TRPM3: variants seen among roughly 807,000 people sequenced by gnomAD.
The protein encoded by TRPM3 is long transient receptor potential channel 3.
Under a neutral mutation model 181.2 loss-of-function variants are expected in TRPM3, and 77 were observed. That is an observed-to-expected ratio of 0.42 (90% CI 0.35 to 0.51). The LOEUF (loss-of-function observed/expected upper bound fraction) is 0.51, where lower values mean the gene tolerates loss of function less well. TRPM3 is among the 20% of genes least tolerant of loss of function. The pLI, the probability that TRPM3 is intolerant of heterozygous loss-of-function variation, is 0.01. For synonymous variants in TRPM3, 745 were observed against 796.4 expected (o/e 0.94, Z 1.09); for missense variants, 1,759 against 2,196.7 (o/e 0.80, Z 3.98).
chr9:71,037,230 G>A (rs566787713), intron 1 of TRPM3, among the ~76,000 whole-genome samples: 1 of 152,148 alleles, frequency 6.6e-6, no homozygotes. Context: ...TAGCAGCGAG[G>A]AAAGTTTCAA....
At chr9:70,572,114 T>TGTG (rs2052579313) in intron 22 of TRPM3, among the ~76,000 whole-genome samples, 7 of 149,966 alleles carry the variant, frequency 4.7e-5, no homozygotes, top group Middle Eastern at 3.4e-3. Flanking sequence ...TCCCAGTTAC[T>TGTG]TGTGTGTGTG....
chr9:71,016,466 C>T (rs1166474130), intron 1 of TRPM3, among the ~76,000 whole-genome samples: 1 of 152,102 alleles, frequency 6.6e-6, no homozygotes, highest in East Asian at 1.9e-4. Context: ...CACCATCTTA[C>T]TTTCTGTCAA....
chr9:71,007,121 C>A (rs2097688196), intron 1 of TRPM3, among the ~76,000 whole-genome samples: 1 of 143,454 alleles, frequency 7.0e-6, no homozygotes, highest in African/African-American at 2.5e-5. Context: ...AAGAAAGGGC[C>A]ATTATATAAT....
At chr9:70,550,327 T>G (rs2046171327) in intron 24 of TRPM3, among the ~76,000 whole-genome samples, 1 of 152,158 alleles carries the variant, frequency 6.6e-6, no homozygotes, top group African/African-American at 2.4e-5. Flanking sequence ...ATGTGATGAC[T>G]GGAGGTGAGG....
chr9:71,223,650 A>C (rs1281018619), intron 1 of TRPM3, among the ~76,000 whole-genome samples: 1 of 152,172 alleles, frequency 6.6e-6, no homozygotes, highest in Non-Finnish European at 1.5e-5. Context: ...TTCTGGACCT[A>C]TCCTGGGCCA....
intron 6 of TRPM3, chr9:70,826,394 C>T (rs986922533): frequency 1.3e-5 from 2 of 152,182 alleles, no homozygotes; most frequent in African/African-American, 4.8e-5. Context: ...GGGATAATAA[C>T]ACTTGTGTTT....
At chr9:70,892,721 G>C (rs549312091) in intron 1 of TRPM3, among the ~76,000 whole-genome samples, 2 of 152,022 alleles carry the variant, frequency 1.3e-5, no homozygotes, top group African/African-American at 4.8e-5. Flanking sequence ...TAGCTCAAGA[G>C]TTTTCAATTA....
chr9:70,917,274 A>G (rs2096606734), intron 1 of TRPM3: 7 of 1,472,570 alleles, frequency 4.8e-6, no homozygotes, highest in Non-Finnish European at 6.7e-6. Flanking sequence ...AATTCAGCAT[A>G]GTCAATTAGG....
intron 1 of TRPM3, among the ~76,000 whole-genome samples, chr9:70,967,841 G>T (rs2097201332): frequency 6.6e-6 from 1 of 152,032 alleles, no homozygotes; most frequent in African/African-American, 2.4e-5. Context: ...TATTTCAAGG[G>T]TTTAATGGTC....
chr9:70,840,453 G>A (rs191711512), intron 5 of TRPM3, among the ~76,000 whole-genome samples: 2 of 152,196 alleles, frequency 1.3e-5, no homozygotes, highest in South Asian at 2.1e-4. Flanking sequence ...CGAGACCCTC[G>A]GGAACAGGGA....
intron 1 of TRPM3, among the ~76,000 whole-genome samples, chr9:70,906,712 G>A (rs572615005): frequency 1.3e-5 from 2 of 152,278 alleles, no homozygotes; most frequent in Admixed American, 1.3e-4. Context: ...AGACCAGCCT[G>A]GCCAACGTGG....
At position 70,548,575 on chromosome 9, in the gene TRPM3, G is replaced by A. The variant is rs114968111; in HGVS notation, c.3707+967C>T. 3.4e-3 allele frequency among the ~76,000 whole-genome samples: 525 copies of A among 152,300 alleles called. 3 individuals are homozygous for A. The highest frequency in any genetic ancestry group is 0.012 in the African/African-American group (490 of 41,570). On this transcript the variant is annotated intron_variant, in intron 25 of 25. Coordinates refer to ENST00000677713, the MANE Select transcript of TRPM3 (RefSeq NM_001366145.2). Reference sequence around the variant, plus strand: ...AGCCTGAGCCATTCTGACTAAAGTCGTCAATATGTTAGGCCTTTCTACACT... The same window carrying A: ...AGCCTGAGCCATTCTGACTAAAGTCATCAATATGTTAGGCCTTTCTACACT...
chr9:70,668,062 G>A (rs2062096381), intron 9 of TRPM3, among the ~76,000 whole-genome samples: 1 of 152,098 alleles, frequency 6.6e-6, no homozygotes, highest in African/African-American at 2.4e-5. Flanking sequence ...TATTTATCTG[G>A]TACTTTGTCT....
chr9:70,641,350 G>A (rs2058034542), intron 9 of TRPM3, among the ~76,000 whole-genome samples: 1 of 152,154 alleles, frequency 6.6e-6, no homozygotes. Flanking sequence ...TGCTTCTGCT[G>A]GCCAATCACT....
At chr9:71,032,840 T>A (rs577347108) in intron 1 of TRPM3, among the ~76,000 whole-genome samples, 10 of 152,344 alleles carry the variant, frequency 6.6e-5, no homozygotes, top group African/African-American at 2.2e-4. Context: ...TTCTGCCAGA[T>A]GTATTTTATA....
At chr9:71,059,643 T>G (rs1222192346) in intron 1 of TRPM3, among the ~76,000 whole-genome samples, 3 of 152,066 alleles carry the variant, frequency 2.0e-5, no homozygotes, top group Non-Finnish European at 4.4e-5. Flanking sequence ...ATAATGTATG[T>G]GGGACTTATC....
intron 3 of TRPM3, 54 bp from the exon 4 acceptor site, chr9:70,846,645 G>C: frequency 6.9e-7 from 1 of 1,447,182 alleles, no homozygotes; most frequent in South Asian, 1.2e-5. Context: ...GGCTGAGGCT[G>C]GTTATCTTTA....
Position 70,912,372 on chromosome 9 carries a change from T to C in TRPM3, c.178-47861A>G, listed in dbSNP as rs140762975. 3.0e-3 allele frequency among the ~76,000 whole-genome samples: 462 copies of C among 152,294 alleles called. 1 individual carries two copies. The highest frequency in any genetic ancestry group is 0.011 in the African/African-American group (445 of 41,564). Reference sequence around the variant, plus strand: ...AAACAGCCCTTTTATGGATCAAACATTATGTTTGGGAAAAATAATTTTGAC... The same window carrying C: ...AAACAGCCCTTTTATGGATCAAACACTATGTTTGGGAAAAATAATTTTGAC... On this transcript the variant is annotated intron_variant, in intron 1 of 25. Coordinates refer to ENST00000677713, the MANE Select transcript of TRPM3 (RefSeq NM_001366145.2).
At chr9:71,086,987 C>G (rs1402157824) in intron 1 of TRPM3, among the ~76,000 whole-genome samples, 1 of 151,998 alleles carries the variant, frequency 6.6e-6, no homozygotes, top group Non-Finnish European at 1.5e-5. Context: ...CCTTATGAAA[C>G]TACCGAATTT....
Sources: allele counts gnomAD v4.1 joint callset (sites outside exome capture counted in the v4.1 genomes callset), GRCh38; gene constraint gnomAD v4.1.1; transcripts MANE v1.5; gene names NCBI Gene and HGNC (gene_info 2026-07-23, HGNC 2026-07-21).